GTPBP10: variants seen among roughly 807,000 people sequenced by gnomAD.
GTPBP10 encodes GTP-binding protein 10.
Under a neutral mutation model 44.8 loss-of-function variants are expected in GTPBP10, and 38 were observed. That is an observed-to-expected ratio of 0.85 (90% CI 0.65 to 1.11). The LOEUF (loss-of-function observed/expected upper bound fraction) is 1.11. GTPBP10 is among the 50% of genes most tolerant of loss of function. GTPBP10 has a pLI of 0.00. For missense variants in GTPBP10, 462 were observed against 453.7 expected (o/e 1.02, Z -0.17); for synonymous variants, 152 against 150.6 (o/e 1.01, Z -0.07).
intron 7 of GTPBP10, 188 bp from the exon 8 acceptor site, chr7:90,377,946 T>A (rs1478545201): frequency 1.9e-6 from 1 of 520,630 alleles, no homozygotes; most frequent in African/African-American, 2.1e-5. Flanking sequence ...TTAATAACTG[T>A]AATTTTATCA....
rs1426358233 is a variant in GTPBP10 at position 90,383,024 on chromosome 7, G to T, written c.846G>T (p.Leu282Phe). The change falls in exon 9 of 10, where the codon TTG becomes TTT. Residue 282 changes from leucine to phenylalanine, a missense_variant. By Grantham distance (22) the Leu-to-Phe change is conservative (BLOSUM62 0). Coordinates refer to ENST00000222511, the MANE Select transcript of GTPBP10 (RefSeq NM_033107.4). ...PALLAVNKMDLPDAQDKFHEL... is the reference protein window; with the variant it reads ...PALLAVNKMDFPDAQDKFHEL... Reference sequence around the variant, plus strand: ...TCTTGGCAGTTAATAAAATGGACTTGCCAGATGCCCAAGATAAGTTCCATG... The same window carrying T: ...TCTTGGCAGTTAATAAAATGGACTTTCCAGATGCCCAAGATAAGTTCCATG... 1.9e-6 allele frequency: 3 copies of T among 1,598,064 alleles called. No homozygotes were observed. Among genetic ancestry groups the T allele is most frequent in the Non-Finnish European group, 2.6e-6 (3 of 1,169,688 alleles).
chr7:90,378,238 G>A (rs200912055), intron 8 of GTPBP10, 27 bp downstream of exon 8: 1 of 1,591,394 alleles, frequency 6.3e-7, no homozygotes. Context: ...ACTGTGTTCT[G>A]TATTTGGTCT....
At chr7:90,365,333 C>T (rs1052474333) in intron 4 of GTPBP10, among the ~76,000 whole-genome samples, 4 of 145,680 alleles carry the variant, frequency 2.7e-5, no homozygotes, top group East Asian at 2.0e-4. Flanking sequence ...TGCTTATCAG[C>T]TTAAGGAGAT....
chr7:90,377,894 A>G (rs1584645758), intron 7 of GTPBP10: 1 of 376,798 alleles, frequency 2.7e-6, no homozygotes, highest in South Asian at 1.1e-4. Flanking sequence ...TATATATGAG[A>G]TTGTCTTCAT....
At chr7:90,352,761 GT>G (rs1263162263) in intron 1 of GTPBP10, 54 bp from the exon 2 acceptor site, 1 of 1,371,214 alleles carries the variant, frequency 7.3e-7, no homozygotes, top group Non-Finnish European at 9.9e-7. Context: ...CTAGAAAAAG[GT>G]TCTAAGGTGA....
At chr7:90,371,010 G>GATAAATAA (rs10525850) in intron 4 of GTPBP10, among the ~76,000 whole-genome samples, 10,915 of 144,978 alleles carry the variant, frequency 0.075, 480 homozygotes, top group Non-Finnish European at 0.1. Flanking sequence ...CATCTCAATA[G>GATAAATAA]ATAAATAAAT....
intron 4 of GTPBP10, among the ~76,000 whole-genome samples, chr7:90,371,553 G>A (rs1796258119): frequency 1.3e-5 from 2 of 152,174 alleles, no homozygotes; most frequent in South Asian, 2.1e-4. Flanking sequence ...AACTGACCCA[G>A]TTTCTTTAAA....
intron 4 of GTPBP10, among the ~76,000 whole-genome samples, chr7:90,366,285 G>A (rs1386986898): frequency 1.3e-5 from 2 of 152,166 alleles, no homozygotes. Context: ...GATGATGCTA[G>A]CATCATGGAA....
chr7:90,368,816 A>T lies in GTPBP10; in HGVS notation c.465-3339A>T, dbSNP rs955556023. 2.6e-5 allele frequency among the ~76,000 whole-genome samples: 4 copies of T among 152,168 alleles called. No individual in the cohort carries two copies. In the South Asian group the frequency reaches 6.2e-4, roughly 24 times the overall value. On this transcript the variant is annotated intron_variant, in intron 4 of 9. Transcript: ENST00000222511. ...TGTTAATTTGTCAAACTCATTCTCC[A>T]TCCAGTTTTGTTCCATTGCTGGCGA...
intron 4 of GTPBP10, among the ~76,000 whole-genome samples, chr7:90,360,587 T>C (rs1469474967): frequency 6.6e-6 from 1 of 152,228 alleles, no homozygotes; most frequent in Non-Finnish European, 1.5e-5. Context: ...GTCTCCAGCT[T>C]TGCTTTTTGG....
intron 5 of GTPBP10, among the ~76,000 whole-genome samples, chr7:90,373,867 GTCT>G (rs1374849392): frequency 3.9e-5 from 6 of 152,088 alleles, no homozygotes; most frequent in African/African-American, 1.4e-4. Context: ...TAGAGACAGG[GTCT>G]AGCTATGTCA....
chr7:90,361,339 T>C (rs1323471508), intron 4 of GTPBP10, among the ~76,000 whole-genome samples: 3 of 152,234 alleles, frequency 2.0e-5, no homozygotes, highest in Non-Finnish European at 4.4e-5. Flanking sequence ...GTTTTTAGCA[T>C]GAAGAGCTGT....
In GTPBP10 at chr7:90,372,210, G is replaced by T. The variant is rs775322033; in HGVS notation, c.520G>T (p.Ala174Ser). Reference sequence around the variant, plus strand: ...AAGTTGTGTTTCTCATGCAAAACCTGCAATTGCAGATTACGCATGTAAGTG... The same window carrying T: ...AAGTTGTGTTTCTCATGCAAAACCTTCAATTGCAGATTACGCATGTAAGTG... ...LLSCVSHAKPAIADYAFTTLK... is the reference protein window; with the variant it reads ...LLSCVSHAKPSIADYAFTTLK... The change falls in exon 5 of 10, where the codon GCA becomes TCA. Residue 174 changes from alanine to serine, a missense_variant. Physicochemically the swap from Ala to Ser is moderately conservative, Grantham distance 99. Transcript: ENST00000222511. The T allele has an allele frequency of 6.2e-7, 1 of 1,603,250 alleles. No homozygotes were observed. The highest frequency in any genetic ancestry group is 2.2e-5 in the East Asian group (1 of 44,726).
At chr7:90,362,867 G>C (rs1796054520) in intron 4 of GTPBP10, among the ~76,000 whole-genome samples, 1 of 152,170 alleles carries the variant, frequency 6.6e-6, no homozygotes, top group Non-Finnish European at 1.5e-5. Flanking sequence ...TTGTTGAATT[G>C]ATCCCTTTAC....
intron 4 of GTPBP10, among the ~76,000 whole-genome samples, chr7:90,359,860 T>C (rs1484576401): frequency 6.6e-6 from 1 of 152,242 alleles, no homozygotes; most frequent in African/African-American, 2.4e-5. Flanking sequence ...TGGTATCTCC[T>C]TGTGGTTTTG....
In GTPBP10 at chr7:90,372,082, G is replaced by A. The variant is rs574702757; in HGVS notation, c.465-73G>A. 3.4e-5 allele frequency: 29 copies of A among 863,202 alleles called. 1 individual carries two copies. In the African/African-American group the frequency reaches 4.5e-4, roughly 13 times the overall value. 53.5% of individuals were successfully genotyped at this position (863,202 alleles called of 1,614,324 possible). On this transcript the variant is annotated intron_variant, in intron 4 of 9. Transcript: ENST00000222511. ...TTTTAATCCCAAATATATTCATGAA[G>A]TCTACTTGAATTGTTAGGAATTCAG... is the stretch of plus-strand genomic sequence containing the variant.
intron 4 of GTPBP10, among the ~76,000 whole-genome samples, chr7:90,355,900 G>C (rs572690134): frequency 6.6e-6 from 1 of 152,266 alleles, no homozygotes; most frequent in South Asian, 2.1e-4. Flanking sequence ...TAGATAGTAA[G>C]ATACAGAATA....
chr7:90,370,425 A>G (rs1562958532), intron 4 of GTPBP10, among the ~76,000 whole-genome samples: 1 of 152,070 alleles, frequency 6.6e-6, no homozygotes, highest in Non-Finnish European at 1.5e-5. Context: ...ACATCTTCCT[A>G]AGTGAAGTAA....
chr7:90,361,692 T>A (rs1396037869), intron 4 of GTPBP10, among the ~76,000 whole-genome samples: 17 of 152,184 alleles, frequency 1.1e-4, no homozygotes, highest in Non-Finnish European at 2.4e-4. Context: ...TTGGAATGGT[T>A]TCAGAAGGAA....
Sources: allele counts gnomAD v4.1 joint callset (sites outside exome capture counted in the v4.1 genomes callset), GRCh38; gene constraint gnomAD v4.1.1; transcripts MANE v1.5; gene names NCBI Gene and HGNC (gene_info 2026-07-23, HGNC 2026-07-21).